The following CDH7 variants were observed in gnomAD, a reference collection of about 807,000 sequenced individuals.
CDH7 encodes the protein cadherin-7.
CDH7 carries 25 observed loss-of-function variants against 71.8 expected under a neutral mutation model. That is an observed-to-expected ratio of 0.35 (90% CI 0.25 to 0.49). The LOEUF (loss-of-function observed/expected upper bound fraction) is 0.49. Among genes scored for constraint, CDH7 ranks in the 20% least tolerant of loss-of-function variants. CDH7 has a pLI of 0.99. For synonymous variants in CDH7, 381 were observed against 363.8 expected (o/e 1.05, Z -0.54); for missense variants, 862 against 974.6 (o/e 0.88, Z 1.54).
intron 6 of CDH7, among the ~76,000 whole-genome samples, chr18:65,841,732 C>T (rs1472473088): frequency 1.3e-5 from 2 of 151,992 alleles, no homozygotes; most frequent in East Asian, 1.9e-4. Flanking sequence ...AATCACTTGA[C>T]GAGCCTTCTA....
At chr18:65,833,899 T>C (rs530942185) in intron 6 of CDH7, among the ~76,000 whole-genome samples, 53 of 152,304 alleles carry the variant, frequency 3.5e-4, no homozygotes, top group African/African-American at 1.2e-3. Flanking sequence ...CAGCTTCTGT[T>C]TGATTTTTTA....
chr18:65,755,992 AAAAC>A (rs892827117), intron 1 of CDH7, among the ~76,000 whole-genome samples: 4 of 152,202 alleles, frequency 2.6e-5, no homozygotes, highest in African/African-American at 9.7e-5. Context: ...AACAAAAACA[AAAAC>A]AAAAAACAAA....
chr18:65,774,106 A>T (rs1317994979), intron 2 of CDH7, among the ~76,000 whole-genome samples: 1 of 152,110 alleles, frequency 6.6e-6, no homozygotes, highest in Non-Finnish European at 1.5e-5. Flanking sequence ...AGTCAATTCA[A>T]AAAATAAAAA....
chr18:65,847,957 TAGAG>T (rs964032803), intron 7 of CDH7, among the ~76,000 whole-genome samples: 6 of 136,892 alleles, frequency 4.4e-5, no homozygotes, highest in Non-Finnish European at 7.9e-5. Flanking sequence ...TGAGATTACT[TAGAG>T]GGAAAAAAAA....
chr18:65,755,376 T>C (rs1474395576), intron 1 of CDH7, among the ~76,000 whole-genome samples: 2 of 152,248 alleles, frequency 1.3e-5, no homozygotes, highest in Admixed American at 1.3e-4. Context: ...TCCACCACTT[T>C]GGGAATCTTC....
At chr18:65,852,337 G>A (rs1272399217) in intron 7 of CDH7, among the ~76,000 whole-genome samples, 2 of 152,082 alleles carry the variant, frequency 1.3e-5, no homozygotes, top group Non-Finnish European at 2.9e-5. Flanking sequence ...ATATATGCTT[G>A]CGTTAGTTAG....
intron 11 of CDH7, among the ~76,000 whole-genome samples, chr18:65,864,586 G>T (rs1056325946): frequency 6.6e-6 from 1 of 151,798 alleles, no homozygotes; most frequent in African/African-American, 2.4e-5. Context: ...TACATTAGAA[G>T]ATTTAAAAAT....
intron 11 of CDH7, among the ~76,000 whole-genome samples, chr18:65,867,315 G>A (rs546030259): frequency 8.7e-4 from 133 of 152,200 alleles, no homozygotes; most frequent in African/African-American, 2.6e-3. Flanking sequence ...GATTACAGGC[G>A]TGAGCCACCG....
chr18:65,814,496 G>A lies in CDH7; in HGVS notation c.517G>A (p.Val173Ile), dbSNP rs774959226. 1 of 1,613,874 alleles carries A rather than the reference G, an allele frequency of 6.2e-7. No individual in the cohort carries two copies. Among genetic ancestry groups the A allele is most frequent in the South Asian group, 1.1e-5 (1 of 91,078 alleles). Residue 173 changes from valine to isoleucine, a missense_variant, in exon 4 of 12, where the codon GTA becomes ATA. Transcript: ENST00000397968. ...PEMSPVGTSV[V>I]QVTATDADDP... is the part of the protein sequence containing the mutation. Reference sequence around the variant, plus strand: ...GGATTGGCATCTAGGGACCTCAGTGGTACAAGTGACAGCGACGGATGCTGA... The same window carrying A: ...GGATTGGCATCTAGGGACCTCAGTGATACAAGTGACAGCGACGGATGCTGA...
intron 2 of CDH7, among the ~76,000 whole-genome samples, chr18:65,767,081 C>T (rs1422868924): frequency 2.0e-5 from 3 of 149,388 alleles, no homozygotes; most frequent in South Asian, 4.2e-4. Context: ...CTGTTAACAT[C>T]ACTCTTTCTT....
At chr18:65,780,330 T>C (rs1321255395) in intron 2 of CDH7, among the ~76,000 whole-genome samples, 1 of 117,052 alleles carries the variant, frequency 8.5e-6, no homozygotes, top group Non-Finnish European at 1.7e-5. Context: ...TTGTCAATTT[T>C]GGCTTTTGTT....
intron 6 of CDH7, among the ~76,000 whole-genome samples, chr18:65,840,816 G>A (rs1483933659): frequency 6.6e-6 from 1 of 152,020 alleles, no homozygotes; most frequent in Non-Finnish European, 1.5e-5. Context: ...CTAGTACAAT[G>A]TACTTCCAAA....
intron 2 of CDH7, among the ~76,000 whole-genome samples, chr18:65,799,793 A>G (rs371272949): frequency 6.6e-6 from 1 of 152,222 alleles, no homozygotes; most frequent in East Asian, 1.9e-4. Context: ...TTAGCTTCTC[A>G]TTCTTTTGGG....
intron 7 of CDH7, among the ~76,000 whole-genome samples, chr18:65,855,950 G>T (rs1351885): frequency 0.77 from 116,593 of 151,792 alleles, 44,933 homozygotes; most frequent in East Asian, 0.93. Context: ...TCAATATAAT[G>T]CATCATATTA....
chr18:65,814,614 G>T lies in CDH7; in HGVS notation c.625+10G>T. ...GTGGAGCCAAAGACAGGTAAAAATT[G>T]AAATGTGACATTCTTGTAAAGTCAT... On this transcript the variant is annotated intron_variant, in intron 4 of 11. Coordinates refer to ENST00000397968, the MANE Select transcript of CDH7 (RefSeq NM_004361.5). 6.2e-7 allele frequency: 1 copy of T among 1,601,876 alleles called. No homozygotes were observed.
At chr18:65,767,964 A>T (rs1261389639) in intron 2 of CDH7, among the ~76,000 whole-genome samples, 1 of 152,204 alleles carries the variant, frequency 6.6e-6, no homozygotes, top group Non-Finnish European at 1.5e-5. Context: ...TTCAGAAATG[A>T]AGGTTATAAT....
In CDH7 at chr18:65,762,695, T is replaced by C; in HGVS notation, c.-148T>C. The C allele has an allele frequency of 1.6e-6, 1 of 629,332 alleles. No individual in the cohort carries two copies. Among genetic ancestry groups the C allele is most frequent in the Non-Finnish European group, 2.7e-6 (1 of 364,620 alleles). 39.0% of individuals were successfully genotyped at this position (629,332 alleles called of 1,614,324 possible). Reference sequence around the variant, plus strand: ...CGAAGGCTATTCAGCAGTGGTGACCTCTTCCAATCCAACACTCTACAGATT... The same window carrying C: ...CGAAGGCTATTCAGCAGTGGTGACCCCTTCCAATCCAACACTCTACAGATT... On this transcript the variant is annotated 5_prime_UTR_variant, in exon 2 of 12. Coordinates refer to ENST00000397968, the MANE Select transcript of CDH7 (RefSeq NM_004361.5).
intron 4 of CDH7, among the ~76,000 whole-genome samples, chr18:65,817,828 A>G (rs1204474601): frequency 6.6e-6 from 1 of 152,198 alleles, no homozygotes; most frequent in Non-Finnish European, 1.5e-5. Flanking sequence ...TGCAGTATTT[A>G]AACTATTATC....
intron 10 of CDH7, among the ~76,000 whole-genome samples, chr18:65,862,103 A>T (rs1913585277): frequency 6.6e-6 from 1 of 152,150 alleles, no homozygotes; most frequent in Non-Finnish European, 1.5e-5. Context: ...ATGTTTATAC[A>T]CATAGAGTAG....
Sources: gnomAD v4.1 joint callset for allele counts (sites outside exome capture counted in the v4.1 genomes callset) on GRCh38, gnomAD v4.1.1 for gene constraint, MANE v1.5 for transcripts, NCBI Gene and HGNC (gene_info 2026-07-23, HGNC 2026-07-21) for gene names.